Variants in SGCE observed in about 807,000 individuals in gnomAD.
The protein encoded by SGCE is epsilon-sarcoglycan.
SGCE carries 26 observed loss-of-function variants against 57.8 expected under a neutral mutation model. That is an observed-to-expected ratio of 0.45 (90% CI 0.33 to 0.62). SGCE has a LOEUF of 0.62. SGCE is among the 20% of genes least tolerant of loss of function. The pLI is 0.02. For synonymous variants in SGCE, 183 were observed against 189.5 expected (o/e 0.97, Z 0.28); for missense variants, 468 against 548.6 (o/e 0.85, Z 1.47).
chr7:94,595,795 G>A (rs1163219360), intron 9 of SGCE, among the ~76,000 whole-genome samples: 1 of 152,012 alleles, frequency 6.6e-6, no homozygotes, highest in Non-Finnish European at 1.5e-5. Flanking sequence ...GGAAAATGAG[G>A]TTAATCACAT....
chr7:94,629,383 T>C (rs1804300778), intron 2 of SGCE: 1 of 237,586 alleles, frequency 4.2e-6, no homozygotes, highest in African/African-American at 2.3e-5. Flanking sequence ...TTTCCAAAAA[T>C]CAATGTACTA....
chr7:94,611,255 A>T, intron 5 of SGCE, among the ~76,000 whole-genome samples: 1 of 152,210 alleles, frequency 6.6e-6, no homozygotes, highest in East Asian at 1.9e-4. Context: ...ATGCTCATCA[A>T]CTTATAAATG....
chr7:94,602,657 C>A (rs1157403755), intron 6 of SGCE, among the ~76,000 whole-genome samples: 1 of 151,690 alleles, frequency 6.6e-6, no homozygotes, highest in Non-Finnish European at 1.5e-5. Context: ...TATATACAGA[C>A]ATATAATATA....
At chr7:94,589,759 CT>C in intron 9 of SGCE, 1 of 186,454 alleles carries the variant, frequency 5.4e-6, no homozygotes, top group Non-Finnish European at 1.1e-5. Flanking sequence ...CCATCACCCC[CT>C]GATGGTACTG....
chr7:94,632,249 A>G (rs1804829872), intron 1 of SGCE, among the ~76,000 whole-genome samples: 1 of 151,974 alleles, frequency 6.6e-6, no homozygotes, highest in Admixed American at 6.6e-5. Context: ...CATTTTCTAC[A>G]TTGCCCTCCA....
At chr7:94,644,565 C>A in intron 1 of SGCE, 5 of 941,410 alleles carry the variant, frequency 5.3e-6, no homozygotes, top group Non-Finnish European at 2.9e-6. Flanking sequence ...AGTAAACAGC[C>A]GGATATGCCA....
rs1341174498 is a variant in SGCE at position 94,656,077 on chromosome 7, C to G, written c.22G>C (p.Glu8Gln). ...GTCCAAGCACAGGGGTCTCCCAGCT[C>G]CCACCACCGGGGCAATTGCATTCTT... MQLPRWW[E>Q]LGDPCAWTGQ... Residue 8 changes from glutamate (E) to glutamine (Q), a missense_variant, in exon 1 of 11, where the codon GAG (glutamate) becomes CAG (glutamine). By Grantham distance (29) the Glu-to-Gln change is conservative. Transcript: ENST00000648936. 6.2e-7 allele frequency: 1 copy of G among 1,611,764 alleles called. No homozygotes were observed. Among genetic ancestry groups the G allele is most frequent in the South Asian group, 1.1e-5 (1 of 91,030 alleles).
chr7:94,638,405 A>G (rs1805898452), intron 1 of SGCE, among the ~76,000 whole-genome samples: 1 of 152,216 alleles, frequency 6.6e-6, no homozygotes, highest in Non-Finnish European at 1.5e-5. Flanking sequence ...GTGATGCCCA[A>G]CTTCAGAGAT....
At chr7:94,606,652 T>A (rs544088137) in intron 5 of SGCE, among the ~76,000 whole-genome samples, 1 of 152,322 alleles carries the variant, frequency 6.6e-6, no homozygotes, top group East Asian at 1.9e-4. Context: ...TAGAGACTAC[T>A]TCATCCAAAA....
chr7:94,586,061 G>GAAAAAAAAAAAAAAAAAAAAAAA lies in SGCE; in HGVS notation c.1298-569_1298-547dup, dbSNP rs780812386. Among the ~76,000 whole-genome samples, 6 of 28,910 alleles carry GAAAAAAAAAAAAAAAAAAAAAAA rather than the reference G, an allele frequency of 2.1e-4. 1 individual carries two copies. Among genetic ancestry groups the GAAAAAAAAAAAAAAAAAAAAAAA allele is most frequent in the Non-Finnish European group, 2.9e-4 (5 of 16,950 alleles). The allele number at this position is 28,910 out of a possible 152,430, so 19.0% of individuals were successfully genotyped here. Reference sequence around the variant, plus strand: ...TTTAAAAGAAAACAAGGAACTAAATGAAAAAAAAAAAAAAAAAAAAAAAAA... The same window carrying GAAAAAAAAAAAAAAAAAAAAAAA: ...TTTAAAAGAAAACAAGGAACTAAATGAAAAAAAAAAAAAAAAAAAAAAAAAAAAAAAAAAAAAAAAAAAAAAAA... On this transcript the variant is annotated intron_variant, in intron 10 of 10. Transcript: ENST00000648936.
chr7:94,637,208 C>G (rs1051270994), intron 1 of SGCE, among the ~76,000 whole-genome samples: 2 of 152,142 alleles, frequency 1.3e-5, no homozygotes, highest in African/African-American at 2.4e-5. Flanking sequence ...CATTCTATAT[C>G]TGAGACAGCA....
intron 9 of SGCE, chr7:94,589,061 G>A (rs1797290298): frequency 2.8e-6 from 1 of 358,128 alleles, no homozygotes; most frequent in Non-Finnish European, 5.3e-6. Flanking sequence ...ACATAGCTAG[G>A]ACATGGTAGG....
intron 9 of SGCE, chr7:94,590,435 CCAT>C (rs1367345902): frequency 6.6e-6 from 1 of 152,044 alleles, no homozygotes; most frequent in Non-Finnish European, 1.5e-5. Context: ...AGAATAAGAA[CCAT>C]CATATTTTGT....
intron 9 of SGCE, chr7:94,589,557 C>G (rs1797375857): frequency 6.6e-6 from 1 of 152,346 alleles, no homozygotes; most frequent in African/African-American, 2.4e-5. Flanking sequence ...GCAGGTAAGC[C>G]ATCGAAGCCT....
intron 8 of SGCE, 184 bp downstream of exon 8, chr7:94,599,513 C>T: frequency 2.4e-5 from 14 of 584,394 alleles, no homozygotes; most frequent in South Asian, 4.7e-5. Context: ...GTTTTCAAAC[C>T]CTTTTTAGTT....
chr7:94,655,290 G>A (rs150509970), intron 1 of SGCE, among the ~76,000 whole-genome samples: 1 of 152,244 alleles, frequency 6.6e-6, no homozygotes, highest in East Asian at 1.9e-4. Context: ...GTTTTAAATT[G>A]GTTTTGGTTT....
intron 3 of SGCE, chr7:94,627,131 C>T (rs529613086): frequency 6.6e-6 from 1 of 152,086 alleles, no homozygotes; most frequent in South Asian, 2.1e-4. Flanking sequence ...AGATAGAAAT[C>T]ACTGAACAGT....
chr7:94,619,701 T>C (rs887724788), intron 4 of SGCE: 1 of 152,254 alleles, frequency 6.6e-6, no homozygotes, highest in East Asian at 1.9e-4. Flanking sequence ...TTTAAATGTA[T>C]GTACTGTGAG....
chr7:94,616,145 G>C (rs1490049226), intron 5 of SGCE, among the ~76,000 whole-genome samples: 1 of 152,160 alleles, frequency 6.6e-6, no homozygotes, highest in Admixed American at 6.5e-5. Flanking sequence ...GAGCTCAGAT[G>C]CTGCAGGTTG....
Sources: allele counts gnomAD v4.1 joint callset (sites outside exome capture counted in the v4.1 genomes callset), GRCh38; gene constraint gnomAD v4.1.1; transcripts MANE v1.5; gene names NCBI Gene and HGNC (gene_info 2026-07-23, HGNC 2026-07-21).